The following POC1B variants were observed in gnomAD, a reference collection of about 807,000 sequenced individuals.
POC1B encodes the protein POC1 centriolar protein homolog B.
A neutral mutation model predicts 60.6 loss-of-function variants in POC1B; 44 were observed. The observed-to-expected ratio is 0.73, with a 90% confidence interval of 0.57 to 0.93. The LOEUF (loss-of-function observed/expected upper bound fraction) is 0.93. Ranked by LOEUF, POC1B falls within the 40% of genes least tolerant of loss-of-function variation. The probability of loss-of-function intolerance (pLI) is 0.00; values close to 1 mark genes in which losing one functional copy is unlikely to be tolerated. For synonymous variants in POC1B, 180 were observed against 198.9 expected, an observed-to-expected ratio of 0.90 and a Z score of 0.80; for missense variants, 555 against 572.3, an observed-to-expected ratio of 0.97 and a Z score of 0.31.
chr12:89,462,739 G>T (rs1882526439), intron 9 of POC1B, among the ~76,000 whole-genome samples: 1 of 152,140 alleles, frequency 6.6e-6, no homozygotes, highest in East Asian at 1.9e-4. Flanking sequence ...TTCTACTGCT[G>T]CCACTTACTA....
chr12:89,421,273 T>C lies in POC1B; in HGVS notation c.1333-16A>G. The stretch of plus-strand genomic sequence containing the variant: ...TTGAAACAGTCTGCAAAAAGGAGGA[T>C]AAAATAATCAATGCCTGGTCCTCTG... On this transcript the variant is annotated splice_polypyrimidine_tract_variant and intron_variant, in intron 11 of 11. Coordinates refer to ENST00000313546, the MANE Select transcript of POC1B (RefSeq NM_172240.3). The C allele has an allele frequency of 2.6e-6, 4 of 1,564,084 alleles. No individual in the cohort carries two copies. Among genetic ancestry groups the C allele is most frequent in the African/African-American group, 1.3e-5 (1 of 74,438 alleles).
At chr12:89,513,447 A>G (rs1012352177) in intron 2 of POC1B, among the ~76,000 whole-genome samples, 8 of 152,348 alleles carry the variant, frequency 5.3e-5, no homozygotes, top group African/African-American at 1.7e-4. Context: ...CCTTGAAGGA[A>G]ATAGAGGGGG....
In POC1B at chr12:89,502,423, C is replaced by G. The variant is rs1869620159; in HGVS notation, c.101-5081G>C. On this transcript the variant is annotated intron_variant, in intron 2 of 11. Transcript: ENST00000313546. ...AGGAGGATTCGTGATTAGTGGAATA[C>G]TATCTCCAGGCAAAATATCGTCTAA... The G allele has an allele frequency of 5.0e-6, 7 of 1,405,360 alleles. No homozygotes were observed. In the South Asian group the frequency reaches 8.3e-5, roughly 17 times the overall value. The allele number at this position is 1,405,360 out of a possible 1,614,324, so 87.1% of individuals were successfully genotyped here.
intron 10 of POC1B, among the ~76,000 whole-genome samples, chr12:89,445,270 T>A (rs1881725923): frequency 6.6e-6 from 1 of 152,124 alleles, no homozygotes; most frequent in Non-Finnish European, 1.5e-5. Context: ...AAAGTTCATA[T>A]GGAACCAAAA....
intron 10 of POC1B, among the ~76,000 whole-genome samples, chr12:89,440,036 G>A (rs943002380): frequency 5.9e-5 from 9 of 152,062 alleles, no homozygotes; most frequent in African/African-American, 9.7e-5. Context: ...TTTGCTTACC[G>A]TTATAACCCA....
chr12:89,482,573 A>C (rs565386888), intron 4 of POC1B, among the ~76,000 whole-genome samples: 1 of 152,346 alleles, frequency 6.6e-6, no homozygotes, highest in East Asian at 1.9e-4. Context: ...CAGCAGAGAA[A>C]AAAGATACAT....
At chr12:89,409,837 A>G in the POC1B span, among the ~76,000 whole-genome samples, 1 of 152,166 alleles carries the variant, frequency 6.6e-6, no homozygotes, top group African/African-American at 2.4e-5. Context: ...AAGAAAAGCC[A>G]AGGAGCAGAC....
intron 10 of POC1B, chr12:89,427,581 G>C (rs1254984282): frequency 6.6e-6 from 1 of 152,230 alleles, no homozygotes; most frequent in Non-Finnish European, 1.5e-5. Context: ...TGTGCCTGTA[G>C]TTCTAGCTAC....
intron 10 of POC1B, among the ~76,000 whole-genome samples, chr12:89,451,791 C>G (rs1242543976): frequency 6.6e-6 from 1 of 152,166 alleles, no homozygotes; most frequent in African/African-American, 2.4e-5. Context: ...AATAAAGGAG[C>G]AAAGCCAATA....
At chr12:89,429,009 T>A (rs1250127630) in intron 10 of POC1B, 5 of 152,186 alleles carry the variant, frequency 3.3e-5, no homozygotes. Flanking sequence ...GCTTCAGACC[T>A]TCTTGGAAAA....
intron 10 of POC1B, among the ~76,000 whole-genome samples, chr12:89,446,186 G>A (rs925933732): frequency 1.3e-5 from 2 of 152,168 alleles, no homozygotes; most frequent in African/African-American, 4.8e-5. Flanking sequence ...CATTGTGGAA[G>A]ACAGTGTGGC....
intron 2 of POC1B, chr12:89,522,153 A>G (rs1031648850): frequency 5.0e-6 from 2 of 398,830 alleles, no homozygotes; most frequent in African/African-American, 4.1e-5. Flanking sequence ...CAAGTTTACA[A>G]AGTACGGAAT....
intron 2 of POC1B, among the ~76,000 whole-genome samples, chr12:89,503,224 CCTG>C (rs1489714755): frequency 3.9e-5 from 6 of 152,110 alleles, no homozygotes; most frequent in African/African-American, 1.4e-4. Flanking sequence ...GCCTGATTCT[CCTG>C]CCTCAGCCTG....
intron 5 of POC1B, 44 bp from the exon 6 acceptor site, chr12:89,471,773 T>TC (rs762528820): frequency 1.6e-6 from 2 of 1,245,594 alleles, no homozygotes; most frequent in South Asian, 2.8e-5. Flanking sequence ...AATTTCTTTT[T>TC]TTTTTTTTTT....
At chr12:89,512,486 C>T (rs1247910982) in intron 2 of POC1B, among the ~76,000 whole-genome samples, 3 of 152,182 alleles carry the variant, frequency 2.0e-5, no homozygotes, top group Admixed American at 1.3e-4. Context: ...AGCCCAGGCA[C>T]GGTGGCTCAT....
At chr12:89,501,641 T>A in intron 2 of POC1B, 1 of 1,173,618 alleles carries the variant, frequency 8.5e-7, no homozygotes, top group Non-Finnish European at 1.2e-6. Context: ...TCTGAAGAAG[T>A]GACTTCAACT....
chr12:89,419,346 G>A (rs1565888768), downstream of POC1B, among the ~76,000 whole-genome samples: 1 of 151,880 alleles, frequency 6.6e-6, no homozygotes, highest in Non-Finnish European at 1.5e-5. Context: ...AAAGAGGGAA[G>A]TTAGAAAAAT....
chr12:89,487,055 ATAT>A (rs1211308720), intron 4 of POC1B, among the ~76,000 whole-genome samples: 4 of 152,082 alleles, frequency 2.6e-5, no homozygotes, highest in Non-Finnish European at 5.9e-5. Flanking sequence ...TTCTGAATTA[ATAT>A]TATTTTTAGG....
intron 4 of POC1B, among the ~76,000 whole-genome samples, chr12:89,478,725 T>C (rs1883210293): frequency 6.6e-6 from 1 of 152,220 alleles, no homozygotes; most frequent in African/African-American, 2.4e-5. Context: ...TAAATTTTGT[T>C]ATATATATTT....
Sources: gnomAD v4.1 joint callset for allele counts (sites outside exome capture counted in the v4.1 genomes callset) on GRCh38, gnomAD v4.1.1 for gene constraint, MANE v1.5 for transcripts, NCBI Gene and HGNC (gene_info 2026-07-23, HGNC 2026-07-21) for gene names.